AKAP6: variants seen among roughly 807,000 people sequenced by gnomAD.
AKAP6 encodes the protein A-kinase anchor protein 6.
A neutral mutation model predicts 188.5 loss-of-function variants in AKAP6; 58 were observed. The observed-to-expected ratio is 0.31, with a 90% confidence interval of 0.25 to 0.38. The LOEUF is 0.38. AKAP6 is among the 10% of genes least tolerant of loss of function. The pLI, the probability that AKAP6 is intolerant of heterozygous loss-of-function variation, is 1.00. For missense variants in AKAP6, 2,710 were observed against 2,740.0 expected, an observed-to-expected ratio of 0.99 and a Z score of 0.24; for synonymous variants, 989 against 998.6, an observed-to-expected ratio of 0.99 and a Z score of 0.18.
At chr14:32,349,292 C>G (rs12889258) in intron 1 of AKAP6, among the ~76,000 whole-genome samples, 41,488 of 151,952 alleles carry the variant, frequency 0.27, 5,780 homozygotes, top group East Asian at 0.4. Flanking sequence ...TTTTTAGTGC[C>G]TTTCAAAACA....
chr14:32,407,398 C>T (rs1015407279), intron 1 of AKAP6, among the ~76,000 whole-genome samples: 6 of 152,150 alleles, frequency 3.9e-5, no homozygotes, highest in Non-Finnish European at 4.4e-5. Context: ...CTCTCCAGCT[C>T]GGCTATGTGT....
chr14:32,488,070 G>T (rs960301780), intron 2 of AKAP6, among the ~76,000 whole-genome samples: 1 of 152,184 alleles, frequency 6.6e-6, no homozygotes, highest in Non-Finnish European at 1.5e-5. Flanking sequence ...TGGGAGATCC[G>T]CTGGTCTCTT....
At chr14:32,797,925 G>GA (rs57455449) in intron 12 of AKAP6, among the ~76,000 whole-genome samples, 33,383 of 127,884 alleles carry the variant, frequency 0.26, 4,076 homozygotes, top group Middle Eastern at 0.4. Context: ...CTTCTGCACA[G>GA]AAAAAAAAAA....
rs1180591414 is a variant in AKAP6, at chr14:32,835,015, T to G, written c.*5210T>G. The G allele has an allele frequency of 1.3e-5, 2 of 152,220 alleles. No individual in the cohort carries two copies. Among genetic ancestry groups the G allele is most frequent in the South Asian group, 2.1e-4 (1 of 4,834 alleles). 9.4% of individuals were successfully genotyped at this position (152,220 alleles called of 1,614,324 possible). A position where few individuals can be genotyped will look rare whatever the true frequency, so the allele number is the denominator to read the frequency against. On this transcript the variant is annotated 3_prime_UTR_variant, in exon 14 of 14. Coordinates refer to ENST00000280979, the MANE Select transcript of AKAP6 (RefSeq NM_004274.5). Reference sequence around the variant, plus strand: ...TATGAAATTTAAATTTTGGTGTCCATGTATAAAGTTTTATTAGAACACATC... The same window carrying G: ...TATGAAATTTAAATTTTGGTGTCCAGGTATAAAGTTTTATTAGAACACATC...
chr14:32,772,916 A>G (rs868055729), intron 11 of AKAP6, among the ~76,000 whole-genome samples: 3 of 152,208 alleles, frequency 2.0e-5, no homozygotes, highest in African/African-American at 7.2e-5. Flanking sequence ...AAAGGATATA[A>G]TATTTTTAGA....
rs368861380 is a variant in AKAP6 at position 32,551,697 on chromosome 14, C to T, written c.2346+4698C>T. Among the ~76,000 whole-genome samples, 114 of 151,700 alleles carry T rather than the reference C, an allele frequency of 7.5e-4. No homozygotes were observed. The East Asian group carries it at 0.02, about 27-fold the overall frequency. ...TTGTTGAGATGGAGTCTTGCTCTGT[C>T]GCCCAGGCTGGAGTGCAGTGGCACG... On this transcript the variant is annotated intron_variant, in intron 4 of 13. Coordinates refer to ENST00000280979, the MANE Select transcript of AKAP6 (RefSeq NM_004274.5).
chr14:32,643,976 A>G (rs1311303957), intron 7 of AKAP6, among the ~76,000 whole-genome samples: 5 of 152,218 alleles, frequency 3.3e-5, no homozygotes, highest in Non-Finnish European at 5.9e-5. Context: ...TTGTAGATAT[A>G]TTCACCTGAC....
Position 32,822,355 on chromosome 14 carries a change from G to A in AKAP6, c.4542G>A (p.Gln1514=). ...FDKKSCKSKH[Q]TTELQPDVPP... is the part of the protein sequence containing the mutation. ...AAAAATCATGCAAATCTAAACATCAGACTACAGAGTTACAACCAGATGTAC... is the reference window on the plus strand; with the variant it reads ...AAAAATCATGCAAATCTAAACATCAAACTACAGAGTTACAACCAGATGTAC... The change falls in exon 13 of 14, where the codon CAG becomes CAA. Residue 1514 remains glutamine, a synonymous_variant. Coordinates refer to ENST00000280979, the MANE Select transcript of AKAP6 (RefSeq NM_004274.5). The A allele has an allele frequency of 1.2e-6, 2 of 1,613,966 alleles. No individual in the cohort carries two copies. Among genetic ancestry groups the A allele is most frequent in the Non-Finnish European group, 1.7e-6 (2 of 1,179,944 alleles).
chr14:32,703,509 CG>C (rs1890696483), intron 9 of AKAP6, among the ~76,000 whole-genome samples: 2 of 152,150 alleles, frequency 1.3e-5, no homozygotes, highest in South Asian at 4.1e-4. Context: ...AACAATTTGA[CG>C]ACTTGGCAAT....
At chr14:32,519,291 G>A (rs1041765866) in intron 2 of AKAP6, among the ~76,000 whole-genome samples, 1 of 152,064 alleles carries the variant, frequency 6.6e-6, no homozygotes, top group Non-Finnish European at 1.5e-5. Flanking sequence ...ATCAACTAAC[G>A]AGCAAAATAA....
intron 8 of AKAP6, among the ~76,000 whole-genome samples, chr14:32,681,676 A>C (rs1431239974): frequency 8.4e-6 from 1 of 119,190 alleles, no homozygotes; most frequent in Non-Finnish European, 1.7e-5. Flanking sequence ...TAATTTGACA[A>C]ATTTTTTTTT....
At chr14:32,517,783 A>G (rs2139046317) in intron 2 of AKAP6, among the ~76,000 whole-genome samples, 1 of 152,348 alleles carries the variant, frequency 6.6e-6, no homozygotes, top group East Asian at 1.9e-4. Context: ...GCATAGCTGA[A>G]CAAAAGGCAA....
chr14:32,702,014 ATC>A (rs1890639023), intron 9 of AKAP6, among the ~76,000 whole-genome samples: 2 of 152,192 alleles, frequency 1.3e-5, no homozygotes, highest in African/African-American at 4.8e-5. Flanking sequence ...TGAATGTTAC[ATC>A]TCTACCCTGA....
chr14:32,823,862 G>A lies in AKAP6; in HGVS notation c.6049G>A (p.Gly2017Ser), dbSNP rs1182424807. 1 of 1,613,536 alleles carries A rather than the reference G, an allele frequency of 6.2e-7. No homozygotes were observed. The highest frequency in any genetic ancestry group is 1.3e-5 in the African/African-American group (1 of 74,868). Residue 2017 changes from glycine (G) to serine (S), a missense_variant, in exon 13 of 14, where the codon GGT becomes AGT. Coordinates refer to ENST00000280979, the MANE Select transcript of AKAP6 (RefSeq NM_004274.5). Reference protein sequence around the residue: ...DAPSMAGKSAGCCLALEQNGT... With the variant: ...DAPSMAGKSASCCLALEQNGT... ...ACCGAGTATGGCTGGAAAATCTGCT[G>A]GTTGTTGCCTAGCACTTGAACAAAA...
intron 11 of AKAP6, among the ~76,000 whole-genome samples, chr14:32,771,017 TTCTA>T (rs1483621125): frequency 3.9e-5 from 6 of 152,220 alleles, no homozygotes; most frequent in African/African-American, 1.4e-4. Flanking sequence ...TAATAATTGT[TTCTA>T]TCTATGCATA....
intron 12 of AKAP6, among the ~76,000 whole-genome samples, chr14:32,787,962 G>A (rs1407174106): frequency 1.4e-5 from 2 of 146,036 alleles, no homozygotes; most frequent in African/African-American, 2.5e-5. Context: ...GACTGCTTGA[G>A]CCCAGGAGTT....
At chr14:32,346,618 C>T (rs35403923) in intron 1 of AKAP6, among the ~76,000 whole-genome samples, 23,867 of 152,200 alleles carry the variant, frequency 0.16, 2,070 homozygotes, top group East Asian at 0.37. Context: ...ACGCCATTCT[C>T]CTGCCTCAGC....
At position 32,535,744 on chromosome 14, in the gene AKAP6, C is replaced by T; in HGVS notation, c.515C>T (p.Ala172Val). 6.2e-7 allele frequency: 1 copy of T among 1,614,176 alleles called. No homozygotes were observed. Among genetic ancestry groups the T allele is most frequent in the Non-Finnish European group, 8.5e-7 (1 of 1,180,016 alleles). ...CGCATTCTGCAAGGTCTGCAGGACG[C>T]CAATGGCAACTACACTAGGCAGACG... ...RERILQGLQDANGNYTRQTDI... is the reference protein window; with the variant it reads ...RERILQGLQDVNGNYTRQTDI... Residue 172 changes from alanine (A) to valine (V), a missense_variant, in exon 3 of 14, where the codon GCC becomes GTC. Physicochemically the swap from Ala to Val is moderately conservative, Grantham distance 64 (BLOSUM62 0). Transcript: ENST00000280979.
intron 5 of AKAP6, among the ~76,000 whole-genome samples, chr14:32,597,247 G>C (rs574832493): frequency 1.6e-4 from 24 of 152,236 alleles, no homozygotes; most frequent in African/African-American, 5.8e-4. Flanking sequence ...TAGACATCAT[G>C]CACCTCTTTG....
Sources: gnomAD v4.1 joint callset for allele counts (sites outside exome capture counted in the v4.1 genomes callset) on GRCh38, gnomAD v4.1.1 for gene constraint, MANE v1.5 for transcripts, NCBI Gene and HGNC (gene_info 2026-07-23, HGNC 2026-07-21) for gene names.